Variants in CXCL13 observed in about 807,000 individuals in gnomAD.
The protein encoded by CXCL13 is C-X-C motif chemokine 13.
A neutral mutation model predicts 12.2 loss-of-function variants in CXCL13; 7 were observed. The observed-to-expected ratio is 0.57, with a 90% CI of 0.33 to 1.07. CXCL13 has a LOEUF of 1.07. CXCL13 is among the 50% of genes least tolerant of loss of function. The pLI, the probability that CXCL13 is intolerant of heterozygous loss-of-function variation, is 0.04. For synonymous variants in CXCL13, 47 were observed against 42.4 expected (o/e 1.11, Z -0.42); for missense variants, 113 against 127.4 (o/e 0.89, Z 0.55).
At chr4:77,538,028 C>T (rs543888768) in intron 1 of CXCL13, among the ~76,000 whole-genome samples, 5 of 152,294 alleles carry the variant, frequency 3.3e-5, no homozygotes, top group African/African-American at 1.2e-4. Flanking sequence ...TCTGAGAACA[C>T]AGACAACAGA....
At chr4:77,563,936 A>T (rs1157400055) in intron 1 of CXCL13, among the ~76,000 whole-genome samples, 2 of 152,160 alleles carry the variant, frequency 1.3e-5, no homozygotes, top group Non-Finnish European at 2.9e-5. Flanking sequence ...TGTGGCATAA[A>T]GTTTTTCCAT....
At chr4:77,522,147 G>A (rs989740105) in intron 1 of CXCL13, among the ~76,000 whole-genome samples, 1 of 152,102 alleles carries the variant, frequency 6.6e-6, no homozygotes, top group African/African-American at 2.4e-5. Context: ...GTCAATTTTG[G>A]TATAAGGGCA....
chr4:77,605,999 C>T (rs1578074451), intron 1 of CXCL13, 70 bp downstream of exon 1: 10 of 1,095,984 alleles, frequency 9.1e-6, no homozygotes, highest in Admixed American at 4.0e-5. Context: ...AATTTTCTTT[C>T]GATTAAAAAC....
chr4:77,540,598 A>G (rs182370955), intron 1 of CXCL13, among the ~76,000 whole-genome samples: 6 of 152,152 alleles, frequency 3.9e-5, no homozygotes, highest in Admixed American at 1.3e-4. Flanking sequence ...AAAGGCCACA[A>G]TGTCTTTCTT....
At chr4:77,543,079 A>G (rs1459844653) in intron 1 of CXCL13, among the ~76,000 whole-genome samples, 1 of 151,978 alleles carries the variant, frequency 6.6e-6, no homozygotes, top group African/African-American at 2.4e-5. Context: ...TTTCTGCCTG[A>G]TTCAATCTTG....
intron 1 of CXCL13, among the ~76,000 whole-genome samples, chr4:77,533,218 G>T (rs1724975301): frequency 6.6e-6 from 1 of 152,132 alleles, no homozygotes; most frequent in South Asian, 2.1e-4. Flanking sequence ...TTTTGGTGTG[G>T]ATGTCCTTTG....
At chr4:77,607,898 C>T (rs375779871) in intron 2 of CXCL13, 63 bp downstream of exon 2, 1 of 1,503,076 alleles carries the variant, frequency 6.7e-7, no homozygotes, top group East Asian at 2.3e-5. Context: ...TCAAATGTTA[C>T]CATACAGTAG....
At chr4:77,593,112 AT>A (rs898726008) in intron 1 of CXCL13, among the ~76,000 whole-genome samples, 3 of 151,988 alleles carry the variant, frequency 2.0e-5, no homozygotes, top group African/African-American at 7.3e-5. Flanking sequence ...GTCTCAGGCA[AT>A]TTTTTTCCCT....
rs376511087 is a variant in CXCL13 at position 77,571,824 on chromosome 4, C to T, written c.-42-34000C>T. On this transcript the variant is annotated intron_variant, in intron 1 of 4. Transcript: ENST00000286758. The stretch of plus-strand genomic sequence containing the variant: ...TGCTACTGCTTAGTCTTTGGGTCCA[C>T]GCTGCTTTTATGAGCTGTAACACTC... 1.2e-4 allele frequency among the ~76,000 whole-genome samples: 18 copies of T among 151,716 alleles called. 2 individuals are homozygous for T. The highest frequency in any genetic ancestry group is 3.7e-4 in the African/African-American group (15 of 41,030).
At chr4:77,526,517 A>G (rs930825810) in intron 1 of CXCL13, among the ~76,000 whole-genome samples, 66 of 152,032 alleles carry the variant, frequency 4.3e-4, no homozygotes, top group Non-Finnish European at 8.8e-4. Flanking sequence ...TCAAAGGGGG[A>G]AAAGTCCATG....
chr4:77,607,066 G>C (rs1334779931), intron 1 of CXCL13, among the ~76,000 whole-genome samples: 1 of 152,208 alleles, frequency 6.6e-6, no homozygotes, highest in Non-Finnish European at 1.5e-5. Context: ...TTTTCTGAGA[G>C]GAAAGGGGAG....
intron 1 of CXCL13, among the ~76,000 whole-genome samples, chr4:77,558,930 G>C (rs1355770271): frequency 2.0e-5 from 3 of 152,130 alleles, no homozygotes; most frequent in East Asian, 3.9e-4. Context: ...TTCACCCCTA[G>C]CTTATCTTTT....
intron 1 of CXCL13, among the ~76,000 whole-genome samples, chr4:77,558,584 C>T (rs1040573799): frequency 1.3e-5 from 2 of 152,212 alleles, no homozygotes; most frequent in Admixed American, 6.5e-5. Context: ...AACTCCTGAC[C>T]TCAGGTGATC....
At chr4:77,593,398 T>A (rs926388292) in intron 1 of CXCL13, among the ~76,000 whole-genome samples, 1 of 152,196 alleles carries the variant, frequency 6.6e-6, no homozygotes, top group African/African-American at 2.4e-5. Flanking sequence ...GAATCATACC[T>A]AAGTTCGAGA....
chr4:77,512,833 G>A (rs754793936), intron 1 of CXCL13, among the ~76,000 whole-genome samples: 1 of 151,984 alleles, frequency 6.6e-6, no homozygotes, highest in Non-Finnish European at 1.5e-5. Context: ...CAATGTGCAG[G>A]TTTCATACAT....
chr4:77,527,410 T>C (rs1226721253), intron 1 of CXCL13, among the ~76,000 whole-genome samples: 1 of 152,022 alleles, frequency 6.6e-6, no homozygotes, highest in African/African-American at 2.4e-5. Flanking sequence ...GGCGGGTGGA[T>C]TAATTGAGCT....
intron 1 of CXCL13, among the ~76,000 whole-genome samples, chr4:77,539,040 A>G (rs1025806115): frequency 6.6e-5 from 10 of 150,788 alleles, no homozygotes; most frequent in Non-Finnish European, 1.5e-4. Context: ...AGACTAGTGC[A>G]CAGTTTGACC....
intron 1 of CXCL13, among the ~76,000 whole-genome samples, chr4:77,529,992 T>C (rs531870290): frequency 6.6e-6 from 1 of 152,258 alleles, no homozygotes; most frequent in Non-Finnish European, 1.5e-5. Context: ...TGAAGCGTTG[T>C]TGAATTTTGT....
At chr4:77,551,875 C>A (rs1049159046) in intron 1 of CXCL13, among the ~76,000 whole-genome samples, 7 of 152,148 alleles carry the variant, frequency 4.6e-5, no homozygotes, top group African/African-American at 7.2e-5. Flanking sequence ...TTGGTCCAGT[C>A]TATTGCTAAA....
Sources: allele counts gnomAD v4.1 joint callset (sites outside exome capture counted in the v4.1 genomes callset), GRCh38; gene constraint gnomAD v4.1.1; transcripts MANE v1.5; gene names NCBI Gene and HGNC (gene_info 2026-07-23, HGNC 2026-07-21).